Variants in UCMA observed in about 807,000 individuals in gnomAD.
The protein encoded by UCMA is upper zone of growth plate and cartilage matrix associated, also known as upper zone of growth plate and cartilage matrix-associated protein.
A neutral mutation model predicts 21.8 loss-of-function variants in UCMA; 21 were observed. That is an observed-to-expected ratio of 0.97 (90% confidence interval 0.68 to 1.39). The LOEUF (loss-of-function observed/expected upper bound fraction) is 1.39, where lower values mean the gene tolerates loss of function less well. Ranked by LOEUF, UCMA falls within the 40% of genes most tolerant of loss-of-function variation. The probability of loss-of-function intolerance (pLI) is 0.00; values close to 1 mark genes in which losing one functional copy is unlikely to be tolerated. For missense variants in UCMA, 193 were observed against 178.9 expected (o/e 1.08, Z -0.45); for synonymous variants, 76 against 67.9 (o/e 1.12, Z -0.58).
chr10:13,221,975 G>T lies in UCMA; in HGVS notation c.*128C>A, dbSNP rs934388716. 2 of 855,420 alleles carry T rather than the reference G, an allele frequency of 2.3e-6. No individual in the cohort carries two copies. Among genetic ancestry groups the T allele is most frequent in the Non-Finnish European group, 3.7e-6 (2 of 535,444 alleles). 53.0% of individuals were successfully genotyped at this position (855,420 alleles called of 1,614,324 possible). A position where few individuals can be genotyped will look rare whatever the true frequency, so the allele number is the denominator to read the frequency against. On this transcript the variant is annotated 3_prime_UTR_variant, in exon 5 of 5. Transcript: ENST00000378681. ...AGGAAAGGCATGCGTCTTTTCAAGA[G>T]CTGCTGGCCACTGCAGACCCCAAGC...
At chr10:13,233,838 G>A (rs778074733) in intron 1 of UCMA, 38 bp from the exon 2 acceptor site, 2 of 1,612,000 alleles carry the variant, frequency 1.2e-6, no homozygotes, top group Non-Finnish European at 1.7e-6. Flanking sequence ...TGCAGCATCA[G>A]AGGGGAGCCC....
chr10:13,223,772 G>A (rs919046906), intron 4 of UCMA, among the ~76,000 whole-genome samples: 2 of 151,904 alleles, frequency 1.3e-5, no homozygotes, highest in African/African-American at 4.8e-5. Flanking sequence ...GACTGGTCTT[G>A]AACTCCTGAC....
At position 13,233,593 on chromosome 10, in the gene UCMA, C is replaced by T. The variant is rs770156385; in HGVS notation, c.165G>A (p.Ser55=). The change falls in exon 3 of 5, where the codon TCG becomes TCA. Residue 55 remains serine (S), a synonymous_variant. Transcript: ENST00000378681. The part of the protein sequence containing the change: ...QKIFMQESDA[S]NFLKRRGKRS... ...GCTTGCCGCGCCTCTTGAGGAAATT[C>T]GAGGCATCTGATTCCTGCATGAAAA... is the stretch of plus-strand genomic sequence containing the variant. 7.4e-6 allele frequency: 12 copies of T among 1,613,956 alleles called. No individual in the cohort carries two copies. Among genetic ancestry groups the T allele is most frequent in the Non-Finnish European group, 1.0e-5 (12 of 1,180,024 alleles).
intron 4 of UCMA, among the ~76,000 whole-genome samples, chr10:13,227,772 A>ACACACACACACC (rs1834843280): frequency 6.7e-6 from 1 of 149,292 alleles, no homozygotes. Flanking sequence ...ACACACACAC[A>ACACACACACACC]CACACACATT....
intron 3 of UCMA, among the ~76,000 whole-genome samples, chr10:13,230,171 G>C (rs1051029310): frequency 6.6e-6 from 1 of 152,182 alleles, no homozygotes; most frequent in Non-Finnish European, 1.5e-5. Flanking sequence ...AGCCAGATAC[G>C]GTGGCTCACG....
chr10:13,229,513 G>GAAAA, intron 4 of UCMA, 98 bp downstream of exon 4: 4 of 931,030 alleles, frequency 4.3e-6, no homozygotes, highest in Non-Finnish European at 4.7e-6. Context: ...CTCAAAAAAA[G>GAAAA]AAAAAAAAAA....
At chr10:13,224,681 C>A (rs906333647) in intron 4 of UCMA, among the ~76,000 whole-genome samples, 2 of 152,200 alleles carry the variant, frequency 1.3e-5, no homozygotes, top group African/African-American at 4.8e-5. Context: ...AACAGGACCG[C>A]CTGGTGGCTT....
chr10:13,229,305 TA>T (rs1223804243), intron 4 of UCMA, among the ~76,000 whole-genome samples: 2 of 151,656 alleles, frequency 1.3e-5, no homozygotes, highest in Non-Finnish European at 2.9e-5. Flanking sequence ...CTCCTCCAAT[TA>T]AAAGTTCAGT....
At position 13,227,743 on chromosome 10, in the gene UCMA, TACACAC is replaced by T. The variant is rs55831241; in HGVS notation, c.319+1862_319+1867del. Among the ~76,000 whole-genome samples, 388 of 110,676 alleles carry T rather than the reference TACACAC, an allele frequency of 3.5e-3. 1 individual carries two copies. Among genetic ancestry groups the T allele is most frequent in the African/African-American group, 7.3e-3 (209 of 28,446 alleles). 72.6% of individuals were successfully genotyped at this position (110,676 alleles called of 152,430 possible). On this transcript the variant is annotated intron_variant, in intron 4 of 4. Transcript: ENST00000378681. The stretch of plus-strand genomic sequence containing the variant: ...AAAAAAAAAAAAAAAGGAAAGGAAA[TACACAC>T]ACACACACACACACACACACACACA...
chr10:13,234,064 C>T, intron 1 of UCMA, 137 bp downstream of exon 1: 2 of 736,244 alleles, frequency 2.7e-6, no homozygotes, highest in Non-Finnish European at 2.2e-6. Flanking sequence ...CCTACATGCA[C>T]ACGACACACA....
At chr10:13,226,075 C>T (rs1834820349) in intron 4 of UCMA, among the ~76,000 whole-genome samples, 1 of 152,166 alleles carries the variant, frequency 6.6e-6, no homozygotes, top group Non-Finnish European at 1.5e-5. Flanking sequence ...CCTTGATTTA[C>T]AAGAACAGGA....
At chr10:13,228,210 C>T (rs545078716) in intron 4 of UCMA, among the ~76,000 whole-genome samples, 3 of 152,134 alleles carry the variant, frequency 2.0e-5, no homozygotes, top group East Asian at 3.9e-4. Flanking sequence ...CAGGTGTGCA[C>T]CATCACGCCT....
rs771362425 is a variant in UCMA, at chr10:13,233,513, GA to G, written c.220+24del. ...TGAGCAGAGGTGGTGATGGACGCGG[GA>G]TGGGGTCCCTCCAGCATCCTTACCA... On this transcript the variant is annotated intron_variant, in intron 3 of 4. Transcript: ENST00000378681. 5.0e-6 allele frequency: 8 copies of G among 1,597,048 alleles called. No homozygotes were observed. In the Admixed American group the frequency reaches 1.3e-4, roughly 27 times the overall value.
chr10:13,224,266 G>T (rs1354028975), intron 4 of UCMA, among the ~76,000 whole-genome samples: 3 of 151,616 alleles, frequency 2.0e-5, no homozygotes, highest in African/African-American at 7.3e-5. Context: ...GGTTGAGGCT[G>T]CAGTGAGCTA....
At chr10:13,225,574 C>T (rs1834813815) in intron 4 of UCMA, among the ~76,000 whole-genome samples, 1 of 150,010 alleles carries the variant, frequency 6.7e-6, no homozygotes. Context: ...ACTCAGGAAG[C>T]TGAGGCAGGA....
intron 4 of UCMA, among the ~76,000 whole-genome samples, chr10:13,224,765 C>T (rs930213382): frequency 6.8e-4 from 104 of 152,362 alleles, no homozygotes; most frequent in Middle Eastern, 3.4e-3. Context: ...CCTAGTCTCA[C>T]CTCGGCCCAG....
chr10:13,228,872 T>C lies in UCMA; in HGVS notation c.319+739A>G, dbSNP rs561114318. Among the ~76,000 whole-genome samples, 10 of 152,260 alleles carry C rather than the reference T, an allele frequency of 6.6e-5. No homozygotes were observed. The South Asian group carries it at 2.1e-3, about 32-fold the overall frequency. On this transcript the variant is annotated intron_variant, in intron 4 of 4. Coordinates refer to ENST00000378681, the MANE Select transcript of UCMA (RefSeq NM_145314.3). ...CCCCAAGCCAATGGGAATAAGGGTA[T>C]TCTGTCCCCTTCCACACCTTCTCAA...
chr10:13,234,240 C>A lies in UCMA; in HGVS notation c.19G>T (p.Val7Phe), dbSNP rs201998578. The part of the protein sequence containing the change: MTWRQA[V>F]LLSCFSAVVL... ...ACGGCGGAGAAGCAAGACAGCAGGA[C>A]GGCCTGTCTCCAAGTCATCTTTGCA... The change falls in exon 1 of 5, where the codon GTC becomes TTC. Residue 7 changes from valine to phenylalanine, a missense_variant. Coordinates refer to ENST00000378681, the MANE Select transcript of UCMA (RefSeq NM_145314.3). 5 of 1,613,048 alleles carry A rather than the reference C, an allele frequency of 3.1e-6. No homozygotes were observed. The highest frequency in any genetic ancestry group is 3.3e-5 in the Admixed American group (2 of 59,898).
chr10:13,225,342 G>A (rs569150229), intron 4 of UCMA, among the ~76,000 whole-genome samples: 2 of 150,116 alleles, frequency 1.3e-5, no homozygotes, highest in Admixed American at 1.3e-4. Context: ...GTACTTTGGG[G>A]AGATGTCGAA....
Sources: gnomAD v4.1 joint callset for allele counts (sites outside exome capture counted in the v4.1 genomes callset) on GRCh38, gnomAD v4.1.1 for gene constraint, MANE v1.5 for transcripts, NCBI Gene and HGNC (gene_info 2026-07-23, HGNC 2026-07-21) for gene names.